GOLGA4: variants seen among roughly 807,000 people sequenced by gnomAD.
The protein encoded by GOLGA4 is golgin subfamily A member 4.
Under a neutral mutation model 265.9 loss-of-function variants are expected in GOLGA4, and 169 were observed. The ratio of observed to expected loss-of-function variants is 0.64; its 90% CI spans 0.56 to 0.72. The LOEUF (loss-of-function observed/expected upper bound fraction) is 0.72, where lower values mean the gene tolerates loss of function less well. GOLGA4 is among the 30% of genes least tolerant of loss of function. GOLGA4 has a pLI of 0.00. For missense variants in GOLGA4, 2,482 were observed against 2,483.4 expected (o/e 1.00, Z 0.01); for synonymous variants, 923 against 855.8 (o/e 1.08, Z -1.37).
chr3:37,312,681 T>A (rs2096926306), intron 10 of GOLGA4, among the ~76,000 whole-genome samples: 1 of 151,874 alleles, frequency 6.6e-6, no homozygotes, highest in Non-Finnish European at 1.5e-5. Context: ...AAGCCACGGC[T>A]CCTGGCTAAT....
chr3:37,349,996 A>C (rs1384158099), intron 21 of GOLGA4, among the ~76,000 whole-genome samples: 2 of 151,836 alleles, frequency 1.3e-5, no homozygotes, highest in African/African-American at 4.8e-5. Context: ...TTGGGTTTTG[A>C]TCCTCCATGC....
chr3:37,306,957 A>C (rs549615536), intron 10 of GOLGA4, among the ~76,000 whole-genome samples: 1 of 152,232 alleles, frequency 6.6e-6, no homozygotes, highest in Admixed American at 6.5e-5. Context: ...TTTGTTAGCT[A>C]CTTTTAAGTG....
At chr3:37,249,957 T>C (rs187981057) in intron 1 of GOLGA4, 8 of 152,348 alleles carry the variant, frequency 5.3e-5, no homozygotes. Context: ...GATGATGAAC[T>C]TTATTTGTAT....
chr3:37,299,333 GA>G lies in GOLGA4; in HGVS notation c.1049del (p.Asp350ValfsTer5). 2 of 1,613,448 alleles carry G rather than the reference GA, an allele frequency of 1.2e-6. No individual in the cohort carries two copies. The highest frequency in any genetic ancestry group is 1.7e-6 in the Non-Finnish European group (2 of 1,179,476). The part of the protein sequence containing the change: ...EKTKLITQLR[D>X]AKNLIEQLEQ... The stretch of plus-strand genomic sequence containing the variant: ...GACTAAACTTATCACTCAGTTGCGT[GA>G]TGCAAAGAACTTAATTGAACAGCTT... On this transcript the variant is annotated frameshift_variant, in exon 9 of 24. Transcript: ENST00000361924. LOFTEE classifies it high-confidence loss of function.
At chr3:37,288,064 C>A (rs1405912286) in intron 4 of GOLGA4, among the ~76,000 whole-genome samples, 1 of 150,710 alleles carries the variant, frequency 6.6e-6, no homozygotes, top group Non-Finnish European at 1.5e-5. Flanking sequence ...AAGGGTGAGT[C>A]ATTTCATCTC....
At chr3:37,361,935 T>C (rs917077673) in intron 23 of GOLGA4, among the ~76,000 whole-genome samples, 1 of 152,254 alleles carries the variant, frequency 6.6e-6, no homozygotes, top group African/African-American at 2.4e-5. Flanking sequence ...TTCAACGCAG[T>C]TGACTGTCTT....
At chr3:37,283,201 A>G (rs1486889335) in intron 3 of GOLGA4, among the ~76,000 whole-genome samples, 1 of 152,226 alleles carries the variant, frequency 6.6e-6, no homozygotes, top group Non-Finnish European at 1.5e-5. Context: ...AATATACAAG[A>G]TAAGATATCT....
intron 2 of GOLGA4, among the ~76,000 whole-genome samples, chr3:37,270,881 AT>A (rs1182651752): frequency 6.6e-6 from 1 of 151,974 alleles, no homozygotes; most frequent in Admixed American, 6.6e-5. Context: ...TAATGAAGTA[AT>A]TATATAACTC....
chr3:37,333,224 A>G (rs984487948), intron 16 of GOLGA4, among the ~76,000 whole-genome samples: 1 of 152,216 alleles, frequency 6.6e-6, no homozygotes, highest in Non-Finnish European at 1.5e-5. Context: ...TCGTAAGGCT[A>G]TATTAGATAC....
At chr3:37,304,967 A>T (rs997316477) in intron 10 of GOLGA4, among the ~76,000 whole-genome samples, 3 of 152,138 alleles carry the variant, frequency 2.0e-5, no homozygotes, top group African/African-American at 7.2e-5. Flanking sequence ...AATTATTATT[A>T]CTTTTTTTGG....
intron 17 of GOLGA4, among the ~76,000 whole-genome samples, chr3:37,336,639 C>T (rs534465323): frequency 1.3e-5 from 2 of 151,450 alleles, no homozygotes; most frequent in South Asian, 2.1e-4. Context: ...GGCATGGTGG[C>T]GCATGCCTGT....
intron 21 of GOLGA4, among the ~76,000 whole-genome samples, chr3:37,352,271 CTT>C (rs770179251): frequency 1.3e-5 from 2 of 152,030 alleles, no homozygotes; most frequent in Admixed American, 6.6e-5. Flanking sequence ...CCTCAGGAAA[CTT>C]ATAATCATGG....
Position 37,296,081 on chromosome 3 carries a change from T to C in GOLGA4, c.682-6T>C. On this transcript the variant is annotated splice_region_variant and splice_polypyrimidine_tract_variant and intron_variant, in intron 6 of 23. Coordinates refer to ENST00000361924, the MANE Select transcript of GOLGA4 (RefSeq NM_002078.5). ...ACTTTTTTCTAATGAAGCACATTTA[T>C]ATTAGGTTTCTCTACTGAAACAACG... is the stretch of plus-strand genomic sequence containing the variant. The C allele has an allele frequency of 1.9e-6, 3 of 1,612,976 alleles. No homozygotes were observed. The highest frequency in any genetic ancestry group is 2.5e-6 in the Non-Finnish European group (3 of 1,178,972).
At chr3:37,318,418 T>G (rs1439387030) in intron 11 of GOLGA4, among the ~76,000 whole-genome samples, 1 of 152,216 alleles carries the variant, frequency 6.6e-6, no homozygotes, top group East Asian at 1.9e-4. Context: ...TTCTCTGTGC[T>G]GTTCTATTGC....
chr3:37,357,895 A>G (rs2097094752), intron 22 of GOLGA4, among the ~76,000 whole-genome samples: 2 of 152,242 alleles, frequency 1.3e-5, no homozygotes, highest in South Asian at 2.1e-4. Flanking sequence ...TCATTTTTAA[A>G]TGATTTAATC....
At position 37,324,607 on chromosome 3, in the gene GOLGA4, G is replaced by A. The variant is rs2096964563; in HGVS notation, c.2721G>A (p.Val907=). The A allele has an allele frequency of 1.9e-6, 3 of 1,613,048 alleles. No homozygotes were observed. The highest frequency in any genetic ancestry group is 1.7e-6 in the Non-Finnish European group (2 of 1,179,608). The part of the protein sequence containing the change: ...KEQEQTKQIL[V]EKENMILQMR... ...AGGAACAGACAAAGCAAATCTTGGT[G>A]GAAAAGGAAAATATGATTTTACAAA... The change falls in exon 14 of 24, where the codon GTG becomes GTA. Residue 907 remains valine, a synonymous_variant. Coordinates refer to ENST00000361924, the MANE Select transcript of GOLGA4 (RefSeq NM_002078.5).
At chr3:37,293,696 G>A (rs1246555312) in intron 5 of GOLGA4, among the ~76,000 whole-genome samples, 2 of 152,206 alleles carry the variant, frequency 1.3e-5, no homozygotes, top group Non-Finnish European at 2.9e-5. Context: ...AGGAATCAGT[G>A]AAGGACAAAG....
At position 37,302,251 on chromosome 3, in the gene GOLGA4, G is replaced by A; in HGVS notation, c.1153G>A (p.Ala385Thr). Residue 385 changes from alanine (A) to threonine (T), a missense_variant, in exon 10 of 24, where the codon GCT becomes ACT. By Grantham distance (58) the Ala-to-Thr change is moderately conservative. This residue lies in a region of GOLGA4 where 1,536 missense variants were observed against 1,483.7 expected (regional missense o/e 1.04). Transcript: ENST00000361924. ...CCTGGAAATGAAAGAAGAAGAAATT[G>A]CTCAACTCCGTAGTCGCATCAAACA... ...ETLEMKEEEI[A>T]QLRSRIKQMT... 1 of 1,612,608 alleles carries A rather than the reference G, an allele frequency of 6.2e-7. No individual in the cohort carries two copies. The highest frequency in any genetic ancestry group is 8.5e-7 in the Non-Finnish European group (1 of 1,178,706).
intron 13 of GOLGA4, among the ~76,000 whole-genome samples, chr3:37,322,262 G>T (rs1277259878): frequency 6.6e-6 from 1 of 152,124 alleles, no homozygotes; most frequent in Non-Finnish European, 1.5e-5. Context: ...TGTCCTGAAC[G>T]TAATCCAGCC....
Sources: gnomAD v4.1 joint callset for allele counts (sites outside exome capture counted in the v4.1 genomes callset) on GRCh38, gnomAD v4.1.1 for gene constraint, gnomAD v4.1.1 regional missense constraint, MANE v1.5 for transcripts, NCBI Gene and HGNC (gene_info 2026-07-23, HGNC 2026-07-21) for gene names.